The following FOXK2 variants were observed in gnomAD, a reference collection of about 807,000 sequenced individuals.
The protein encoded by FOXK2 is forkhead box K2.
FOXK2 carries 24 observed loss-of-function variants against 53.3 expected under a neutral mutation model. That is an observed-to-expected ratio of 0.45 (90% CI 0.33 to 0.63). FOXK2 has a LOEUF of 0.63. Among genes scored for constraint, FOXK2 ranks in the 30% least tolerant of loss-of-function variants. The probability of loss-of-function intolerance (pLI) is 0.03; values close to 1 mark genes in which losing one functional copy is unlikely to be tolerated. For synonymous variants in FOXK2, 505 were observed against 407.1 expected, an observed-to-expected ratio of 1.24 and a Z score of -2.89; for missense variants, 952 against 910.5, an observed-to-expected ratio of 1.05 and a Z score of -0.59.
chr17:82,600,902 C>T (rs1369469699), intron 8 of FOXK2: 1 of 167,116 alleles, frequency 6.0e-6, no homozygotes, highest in Non-Finnish European at 1.3e-5. Flanking sequence ...GGCAGCCACT[C>T]CTTCGCCGAG....
chr17:82,546,114 GTT>G (rs531735206), intron 1 of FOXK2, among the ~76,000 whole-genome samples: 21 of 101,698 alleles, frequency 2.1e-4, no homozygotes, highest in South Asian at 3.3e-4. Flanking sequence ...AGCATGGTTG[GTT>G]TTTTTTTTTT....
intron 1 of FOXK2, among the ~76,000 whole-genome samples, chr17:82,532,861 C>T (rs2044485573): frequency 6.6e-6 from 1 of 152,180 alleles, no homozygotes; most frequent in African/African-American, 2.4e-5. Flanking sequence ...AGCCACCGCG[C>T]CTGACCACAA....
chr17:82,542,908 C>T (rs2044588081), intron 1 of FOXK2, among the ~76,000 whole-genome samples: 1 of 152,106 alleles, frequency 6.6e-6, no homozygotes, highest in Non-Finnish European at 1.5e-5. Flanking sequence ...GTCCCAGGTA[C>T]TCAGGAGGCT....
At chr17:82,536,121 G>A (rs943486891) in intron 1 of FOXK2, among the ~76,000 whole-genome samples, 1 of 152,068 alleles carries the variant, frequency 6.6e-6, no homozygotes, top group Admixed American at 6.6e-5. Flanking sequence ...CAGGTGATCT[G>A]CCCATCTCGG....
At chr17:82,526,844 A>G (rs2044423580) in intron 1 of FOXK2, among the ~76,000 whole-genome samples, 1 of 151,984 alleles carries the variant, frequency 6.6e-6, no homozygotes, top group Non-Finnish European at 1.5e-5. Context: ...AAAAAAAAAA[A>G]AAGAAAGAAA....
intron 4 of FOXK2, among the ~76,000 whole-genome samples, chr17:82,582,011 T>C (rs933652479): frequency 6.6e-6 from 1 of 152,228 alleles, no homozygotes; most frequent in Non-Finnish European, 1.5e-5. Context: ...GTGTCCATCC[T>C]GATTTTCAGC....
chr17:82,541,189 G>C (rs12185229), intron 1 of FOXK2, among the ~76,000 whole-genome samples: 67,166 of 152,010 alleles, frequency 0.44, 15,038 homozygotes, highest in South Asian at 0.55. Context: ...AAAGGGTGTG[G>C]TATAAGCACA....
intron 1 of FOXK2, among the ~76,000 whole-genome samples, chr17:82,543,178 C>CCATTT (rs1555636358): frequency 6.6e-6 from 1 of 151,740 alleles, no homozygotes; most frequent in Non-Finnish European, 1.5e-5. Flanking sequence ...TTATCTAAAT[C>CCATTT]CACAACTATT....
Position 82,582,799 on chromosome 17 carries a change from AG to A in FOXK2, c.970del (p.Glu324LysfsTer11). ...NRYFIKVPRSQEEPGKGSFWR... is the reference protein window; with the variant it reads ...NRYFIKVPRSXEEPGKGSFWR... ...TATTTCATCAAAGTGCCGCGTTCCC[AG>A]GAAGAACCAGGCAAAGGCTCGTTCT... On this transcript the variant is annotated frameshift_variant, in exon 5 of 9. Transcript: ENST00000335255. LOFTEE classifies it high-confidence loss of function. 6.2e-7 allele frequency: 1 copy of A among 1,610,638 alleles called. No homozygotes were observed. The highest frequency in any genetic ancestry group is 8.5e-7 in the Non-Finnish European group (1 of 1,179,138).
chr17:82,529,756 T>A (rs1477026039), intron 1 of FOXK2, among the ~76,000 whole-genome samples: 1 of 152,144 alleles, frequency 6.6e-6, no homozygotes, highest in Non-Finnish European at 1.5e-5. Flanking sequence ...AACTCCTCCC[T>A]TTGCAGCTTT....
At chr17:82,600,009 C>T (rs1385094298) in intron 8 of FOXK2, 1 of 152,910 alleles carries the variant, frequency 6.5e-6, no homozygotes, top group Non-Finnish European at 1.5e-5. Context: ...TTGGGGCCTC[C>T]CAGGGGTGTG....
Position 82,584,042 on chromosome 17 carries a change from G to T in FOXK2, c.1133G>T (p.Gly378Val). The T allele has an allele frequency of 6.2e-7, 1 of 1,609,584 alleles. No individual in the cohort carries two copies. The change falls in exon 6 of 9, where the codon GGA becomes GTA. Residue 378 changes from glycine to valine, a missense_variant. Gly to Val is a moderately radical substitution (Grantham distance 109). This residue lies in a region of FOXK2 where 160 missense variants were observed against 214.2 expected (regional missense o/e 0.75). Coordinates refer to ENST00000335255, the MANE Select transcript of FOXK2 (RefSeq NM_004514.4). ...GCCCCAGCCTCTCCCAATCACGCGG[G>T]AGTGCTGTCTGCTCACTCTAGTGGC... is the stretch of plus-strand genomic sequence containing the variant. ...RSAPASPNHA[G>V]VLSAHSSGAQ...
At chr17:82,520,719 C>G (rs1485976180) in intron 1 of FOXK2, among the ~76,000 whole-genome samples, 1 of 152,174 alleles carries the variant, frequency 6.6e-6, no homozygotes, top group Admixed American at 6.5e-5. Context: ...GTCTCTTAAC[C>G]GATGAAGGGT....
chr17:82,595,993 G>C (rs1226653177), intron 8 of FOXK2: 1 of 1,164,756 alleles, frequency 8.6e-7, no homozygotes, highest in Non-Finnish European at 1.1e-6. Flanking sequence ...CAGCGTAGGA[G>C]AAAGGCCACT....
chr17:82,586,087 T>G lies in FOXK2; in HGVS notation c.1463T>G (p.Leu488Arg), dbSNP rs1442156992. 1.9e-6 allele frequency: 3 copies of G among 1,612,638 alleles called. No individual in the cohort carries two copies. Among genetic ancestry groups the G allele is most frequent in the Admixed American group, 1.7e-5 (1 of 59,994 alleles). ...PAVSVTSVAG[L>R]APANTYTVSG... ...GTGTCGGTCACCAGTGTGGCCGGACTGGCCCCAGCGAACACGTACACTGTC... is the reference window on the plus strand; with the variant it reads ...GTGTCGGTCACCAGTGTGGCCGGACGGGCCCCAGCGAACACGTACACTGTC... Residue 488 changes from leucine to arginine, a missense_variant, in exon 7 of 9, where the codon CTG (leucine) becomes CGG (arginine). Around this residue, in one of 5 missense-constraint regions of FOXK2, gnomAD observed 551 missense variants for 385.1 expected, o/e 1.43. Transcript: ENST00000335255.
At chr17:82,564,551 G>A (rs2044833283) in intron 2 of FOXK2, among the ~76,000 whole-genome samples, 1 of 151,758 alleles carries the variant, frequency 6.6e-6, no homozygotes. Context: ...TCTTTTTATT[G>A]GAGTATAAAT....
At position 82,601,326 on chromosome 17, in the gene FOXK2, T is replaced by C; in HGVS notation, c.1810T>C (p.Leu604=). 1.2e-6 allele frequency: 2 copies of C among 1,612,964 alleles called. No individual in the cohort carries two copies. Among genetic ancestry groups the C allele is most frequent in the Non-Finnish European group, 1.7e-6 (2 of 1,179,942 alleles). ...AGCCGCGGCGAGTCCTTTGCACATG[T>C]TGGCAACACACGCATCCGCATCGGC... is the stretch of plus-strand genomic sequence containing the variant. ...NNAAASPLHM[L]ATHASASASL... The change falls in exon 9 of 9, where the codon TTG becomes CTG. Residue 604 remains leucine, a synonymous_variant. Coordinates refer to ENST00000335255, the MANE Select transcript of FOXK2 (RefSeq NM_004514.4).
chr17:82,581,721 C>T (rs1376643426), intron 4 of FOXK2, among the ~76,000 whole-genome samples: 3 of 152,112 alleles, frequency 2.0e-5, no homozygotes, highest in Non-Finnish European at 2.9e-5. Context: ...GTGATCCGCC[C>T]GCCTCGGCCT....
intron 4 of FOXK2, among the ~76,000 whole-genome samples, chr17:82,573,562 TCACACACACACACA>T (rs1019671658): frequency 4.8e-5 from 4 of 83,316 alleles, no homozygotes; most frequent in Admixed American, 1.2e-4. Context: ...TCTCTCTCTC[TCACACACACACACA>T]CACACACACA....
Sources: allele counts gnomAD v4.1 joint callset (sites outside exome capture counted in the v4.1 genomes callset), GRCh38; gene constraint gnomAD v4.1.1; regional missense constraint gnomAD v4.1.1; transcripts MANE v1.5; gene names NCBI Gene and HGNC (gene_info 2026-07-23, HGNC 2026-07-21).